The following RNF125 variants were observed in gnomAD, a reference collection of about 807,000 sequenced individuals.
RNF125 encodes the protein ring finger protein 125, also known as E3 ubiquitin-protein ligase RNF125.
Under a neutral mutation model 26.0 loss-of-function variants are expected in RNF125, and 21 were observed. That is an observed-to-expected ratio of 0.81 (90% CI 0.57 to 1.16). The LOEUF is 1.16. Among genes scored for constraint, RNF125 ranks in the 50% most tolerant of loss-of-function variants. The probability of loss-of-function intolerance (pLI) is 0.00; values close to 1 mark genes in which losing one functional copy is unlikely to be tolerated. For synonymous variants in RNF125, 95 were observed against 109.2 expected, an observed-to-expected ratio of 0.87 and a Z score of 0.81; for missense variants, 270 against 299.4, an observed-to-expected ratio of 0.90 and a Z score of 0.72.
At chr18:32,089,978 GC>G in the RNF125 span, among the ~76,000 whole-genome samples, 1 of 152,230 alleles carries the variant, frequency 6.6e-6, no homozygotes, top group Non-Finnish European at 1.5e-5. Context: ...AGGCACAGTG[GC>G]TCAGGCCTGT....
chr18:32,087,465 G>T, the RNF125 span, among the ~76,000 whole-genome samples: 1 of 151,814 alleles, frequency 6.6e-6, no homozygotes, highest in Non-Finnish European at 1.5e-5. Context: ...CAACCTGTGG[G>T]ATCTGACACT....
intron 4 of RNF125, among the ~76,000 whole-genome samples, chr18:32,056,949 AATAAAG>A (rs1400370070): frequency 8.5e-5 from 13 of 152,208 alleles, no homozygotes; most frequent in African/African-American, 3.1e-4. Context: ...GTATTGAGCT[AATAAAG>A]ATTTTTACAC....
chr18:32,036,449 T>C (rs2039154802), intron 1 of RNF125, among the ~76,000 whole-genome samples: 1 of 151,398 alleles, frequency 6.6e-6, no homozygotes, highest in Non-Finnish European at 1.5e-5. Context: ...GTTTATGGAG[T>C]CTTCAACAAC....
At chr18:32,074,307 T>C (rs529493215), downstream of RNF125, among the ~76,000 whole-genome samples, 29 of 152,310 alleles carry the variant, frequency 1.9e-4, no homozygotes, top group African/African-American at 7.0e-4. Flanking sequence ...CATGGCCATA[T>C]GTAATGTCAA....
chr18:32,031,649 A>T (rs943754760), intron 1 of RNF125, among the ~76,000 whole-genome samples: 9 of 152,164 alleles, frequency 5.9e-5, no homozygotes, highest in Non-Finnish European at 1.0e-4. Flanking sequence ...ACCATTTGTC[A>T]TAAATTTCAT....
At chr18:32,055,858 A>G (rs894676775) in intron 4 of RNF125, among the ~76,000 whole-genome samples, 3 of 151,796 alleles carry the variant, frequency 2.0e-5, no homozygotes, top group Admixed American at 2.0e-4. Context: ...GCATGCCTGT[A>G]ATCCCAGCTT....
At chr18:32,032,840 C>G (rs889165545) in intron 1 of RNF125, among the ~76,000 whole-genome samples, 6 of 151,710 alleles carry the variant, frequency 4.0e-5, no homozygotes, top group African/African-American at 1.5e-4. Context: ...GGCGACAGAG[C>G]AAGACATCTG....
At chr18:32,085,507 C>G in the RNF125 span, among the ~76,000 whole-genome samples, 1 of 151,572 alleles carries the variant, frequency 6.6e-6, no homozygotes, top group African/African-American at 2.4e-5. Flanking sequence ...TGAGACCAGC[C>G]TGACCAACAT....
At chr18:32,061,877 T>C (rs899138684) in intron 4 of RNF125, among the ~76,000 whole-genome samples, 1 of 152,234 alleles carries the variant, frequency 6.6e-6, no homozygotes, top group Non-Finnish European at 1.5e-5. Context: ...TGGTGTATTA[T>C]TTTAAATCTA....
the RNF125 span, among the ~76,000 whole-genome samples, chr18:32,079,471 T>G: frequency 6.6e-6 from 1 of 152,212 alleles, no homozygotes; most frequent in Admixed American, 6.5e-5. Flanking sequence ...CTATTCATGT[T>G]AGCTTTTCAG....
intron 4 of RNF125, among the ~76,000 whole-genome samples, chr18:32,048,257 C>CAAA: frequency 8.5e-6 from 1 of 117,798 alleles, no homozygotes; most frequent in East Asian, 2.6e-4. Context: ...ACTAAAAATA[C>CAAA]AAAAAAAAAA....
intron 4 of RNF125, among the ~76,000 whole-genome samples, chr18:32,064,219 C>G (rs2039461018): frequency 6.6e-6 from 1 of 151,556 alleles, no homozygotes; most frequent in South Asian, 2.1e-4. Flanking sequence ...TGGTCATGAA[C>G]TCCTACCTCA....
At chr18:32,030,622 C>G (rs1191441589) in intron 1 of RNF125, among the ~76,000 whole-genome samples, 1 of 152,206 alleles carries the variant, frequency 6.6e-6, no homozygotes, top group Non-Finnish European at 1.5e-5. Context: ...TGGACCTTTC[C>G]TCTCTGCCAA....
At chr18:32,032,953 A>T (rs1263619286) in intron 1 of RNF125, among the ~76,000 whole-genome samples, 1 of 152,192 alleles carries the variant, frequency 6.6e-6, no homozygotes, top group African/African-American at 2.4e-5. Flanking sequence ...GACATTTCAC[A>T]TTTAGCATGT....
intron 4 of RNF125, among the ~76,000 whole-genome samples, chr18:32,049,718 C>G (rs1288836558): frequency 6.6e-6 from 1 of 152,100 alleles, no homozygotes; most frequent in Non-Finnish European, 1.5e-5. Flanking sequence ...CTGTAATACC[C>G]TAGGGCTGTC....
chr18:32,082,937 T>A, the RNF125 span, among the ~76,000 whole-genome samples: 1 of 152,170 alleles, frequency 6.6e-6, no homozygotes, highest in African/African-American at 2.4e-5. Context: ...TAATGTCCTT[T>A]CAGATGCTCC....
chr18:32,046,086 G>A (rs1332486155), intron 4 of RNF125, among the ~76,000 whole-genome samples: 1 of 151,738 alleles, frequency 6.6e-6, no homozygotes, highest in Non-Finnish European at 1.5e-5. Context: ...GTACATTGGC[G>A]GGCATGTGTA....
chr18:32,037,954 C>T (rs922274567), intron 2 of RNF125, among the ~76,000 whole-genome samples: 1 of 152,050 alleles, frequency 6.6e-6, no homozygotes, highest in Non-Finnish European at 1.5e-5. Context: ...CAGTGACAAC[C>T]GGCTTGGGTC....
intron 4 of RNF125, 126 bp from the exon 5 acceptor site, chr18:32,065,776 C>G: frequency 1.6e-6 from 1 of 642,702 alleles, no homozygotes; most frequent in East Asian, 2.7e-5. Context: ...GGTGATCCGG[C>G]CGCCTCTGCC....
Sources: gnomAD v4.1 joint callset for allele counts (sites outside exome capture counted in the v4.1 genomes callset) on GRCh38, gnomAD v4.1.1 for gene constraint, MANE v1.5 for transcripts, NCBI Gene and HGNC (gene_info 2026-07-23, HGNC 2026-07-21) for gene names.